Variants in ADCY2 observed in about 807,000 individuals in gnomAD.
ADCY2 encodes the protein adenylate cyclase 2.
In ADCY2, 31 loss-of-function variants were observed where a neutral mutation model predicts 125.2. That is an observed-to-expected ratio of 0.25 (90% CI 0.19 to 0.33). The LOEUF (loss-of-function observed/expected upper bound fraction) is 0.33. ADCY2 is among the 10% of genes least tolerant of loss of function. The pLI is 1.00. For synonymous variants in ADCY2, 512 were observed against 548.4 expected, an observed-to-expected ratio of 0.93 and a Z score of 0.93; for missense variants, 904 against 1,418.2, an observed-to-expected ratio of 0.64 and a Z score of 5.82.
chr5:7,495,988 C>G (rs1463430851), intron 2 of ADCY2, among the ~76,000 whole-genome samples: 1 of 152,108 alleles, frequency 6.6e-6, no homozygotes, highest in Non-Finnish European at 1.5e-5. Context: ...TGCAGTTCTC[C>G]TAGGCAAGCA....
intron 2 of ADCY2, among the ~76,000 whole-genome samples, chr5:7,454,417 C>CT (rs1166962614): frequency 2.6e-5 from 4 of 152,150 alleles, no homozygotes; most frequent in East Asian, 1.9e-4. Flanking sequence ...GCCCAACCTA[C>CT]AATATTAGTG....
At chr5:7,507,258 G>T (rs1472418418) in intron 2 of ADCY2, among the ~76,000 whole-genome samples, 1 of 145,682 alleles carries the variant, frequency 6.9e-6, no homozygotes, top group East Asian at 2.0e-4. Flanking sequence ...CGGCTAAAAC[G>T]GTGAAACCCC....
chr5:7,480,153 A>G (rs1265000549), intron 2 of ADCY2, among the ~76,000 whole-genome samples: 18 of 152,208 alleles, frequency 1.2e-4, no homozygotes, highest in Non-Finnish European at 5.9e-5. Flanking sequence ...GAGTGCTTAT[A>G]CACTGTTAGT....
At chr5:7,464,481 C>A (rs1233070321) in intron 2 of ADCY2, among the ~76,000 whole-genome samples, 1 of 152,160 alleles carries the variant, frequency 6.6e-6, no homozygotes, top group African/African-American at 2.4e-5. Flanking sequence ...CCAGCTTGGT[C>A]CTGCCCAATT....
chr5:7,486,696 C>T (rs954172562), intron 2 of ADCY2, among the ~76,000 whole-genome samples: 6 of 151,740 alleles, frequency 4.0e-5, no homozygotes, highest in African/African-American at 1.5e-4. Context: ...TAAATTCTGA[C>T]ATTTTACAAA....
chr5:7,508,624 A>G (rs1032891556), intron 2 of ADCY2, among the ~76,000 whole-genome samples: 1 of 152,084 alleles, frequency 6.6e-6, no homozygotes, highest in Non-Finnish European at 1.5e-5. Context: ...GTTGCCACCC[A>G]TATTCTATTA....
At chr5:7,594,964 T>C (rs1164808374) in intron 3 of ADCY2, among the ~76,000 whole-genome samples, 1 of 152,210 alleles carries the variant, frequency 6.6e-6, no homozygotes, top group Non-Finnish European at 1.5e-5. Flanking sequence ...TTAAATGCTA[T>C]CTGTTCATGC....
chr5:7,737,818 C>A (rs1042607712), intron 14 of ADCY2, among the ~76,000 whole-genome samples: 2 of 152,122 alleles, frequency 1.3e-5, no homozygotes, highest in African/African-American at 4.8e-5. Context: ...ACATTACATA[C>A]AAGGGATCAA....
At chr5:7,776,274 T>C (rs6861951) in intron 18 of ADCY2, among the ~76,000 whole-genome samples, 125,497 of 145,818 alleles carry the variant, frequency 0.86, 52,809 homozygotes, top group Non-Finnish European at 0.88. Flanking sequence ...CAGAGGTGCC[T>C]CTGAGGGTGG....
chr5:7,776,591 T>A (rs1743736322), intron 18 of ADCY2, among the ~76,000 whole-genome samples: 2 of 152,098 alleles, frequency 1.3e-5, no homozygotes, highest in African/African-American at 2.4e-5. Flanking sequence ...GATTGAAGGA[T>A]GTCTAGGTAG....
intron 7 of ADCY2, among the ~76,000 whole-genome samples, chr5:7,702,575 G>T (rs527370783): frequency 1.6e-4 from 24 of 152,270 alleles, no homozygotes; most frequent in Non-Finnish European, 3.5e-4. Context: ...TTTTATGGCT[G>T]CATAGTATTC....
chr5:7,766,631 G>T (rs1421442060), intron 16 of ADCY2, 56 bp from the exon 17 acceptor site: 2 of 1,584,908 alleles, frequency 1.3e-6, no homozygotes, highest in Non-Finnish European at 1.7e-6. Flanking sequence ...GCACCCACCT[G>T]CTAGTTATTT....
intron 2 of ADCY2, 102 bp from the exon 3 acceptor site, chr5:7,520,636 T>C (rs1347363569): frequency 7.9e-7 from 1 of 1,264,624 alleles, no homozygotes; most frequent in African/African-American, 1.5e-5. Context: ...AAAATGAGCA[T>C]GTCTCATGCT....
At chr5:7,416,959 G>A (rs889783212) in intron 2 of ADCY2, among the ~76,000 whole-genome samples, 2 of 152,058 alleles carry the variant, frequency 1.3e-5, no homozygotes, top group Non-Finnish European at 2.9e-5. Flanking sequence ...TTTTTATTAC[G>A]GATCAGTTTG....
At chr5:7,720,560 T>TG (rs1247217432) in intron 12 of ADCY2, among the ~76,000 whole-genome samples, 5 of 148,746 alleles carry the variant, frequency 3.4e-5, no homozygotes, top group African/African-American at 1.2e-4. Flanking sequence ...CCCCACCCCA[T>TG]GACAGGCTCT....
At chr5:7,585,605 T>C (rs192889882) in intron 3 of ADCY2, among the ~76,000 whole-genome samples, 1 of 152,316 alleles carries the variant, frequency 6.6e-6, no homozygotes, top group Admixed American at 6.5e-5. Context: ...GAATTTTCTC[T>C]CAAATGCAAA....
At chr5:7,673,915 C>T (rs1484949592) in intron 4 of ADCY2, among the ~76,000 whole-genome samples, 1 of 152,124 alleles carries the variant, frequency 6.6e-6, no homozygotes, top group Non-Finnish European at 1.5e-5. Flanking sequence ...ATTCCTACCC[C>T]CCGATAAACT....
intron 11 of ADCY2, among the ~76,000 whole-genome samples, chr5:7,716,529 T>C (rs1741595560): frequency 6.6e-6 from 1 of 152,226 alleles, no homozygotes; most frequent in Admixed American, 6.5e-5. Context: ...AATTTCACAG[T>C]GAGTGAATAA....
intron 3 of ADCY2, among the ~76,000 whole-genome samples, chr5:7,560,832 G>T (rs1170889137): frequency 6.6e-6 from 1 of 151,982 alleles, no homozygotes; most frequent in Non-Finnish European, 1.5e-5. Flanking sequence ...AAGATTACAG[G>T]CATGCACCAC....
Sources: allele counts gnomAD v4.1 joint callset (sites outside exome capture counted in the v4.1 genomes callset), GRCh38; gene constraint gnomAD v4.1.1; transcripts MANE v1.5; gene names NCBI Gene and HGNC (gene_info 2026-07-23, HGNC 2026-07-21).